The following MFN1 variants were observed in gnomAD, a reference collection of about 807,000 sequenced individuals.
MFN1 encodes the protein mitofusin-1.
A neutral mutation model predicts 92.4 loss-of-function variants in MFN1; 65 were observed. The ratio of observed to expected loss-of-function variants is 0.70; its 90% CI spans 0.58 to 0.86. The LOEUF is 0.86. Ranked by LOEUF, MFN1 falls within the 40% of genes least tolerant of loss-of-function variation. The pLI is 0.00. For synonymous variants in MFN1, 297 were observed against 300.9 expected, an observed-to-expected ratio of 0.99 and a Z score of 0.13; for missense variants, 781 against 868.0, an observed-to-expected ratio of 0.90 and a Z score of 1.26.
rs1713997738 is a variant in MFN1 at position 179,393,856 on chromosome 3, ATTAC to A, written c.*1800_*1803del. ...CAAAGTTTGGTCCTGGGTCATCGAC[ATTAC>A]TTCTTTTTCTTTCTGAGACAGGGTC... On this transcript the variant is annotated 3_prime_UTR_variant, in exon 18 of 18. Coordinates refer to ENST00000471841, the MANE Select transcript of MFN1 (RefSeq NM_033540.3). 1 of 152,288 alleles carries A rather than the reference ATTAC, an allele frequency of 6.6e-6. No homozygotes were observed. The highest frequency in any genetic ancestry group is 6.5e-5 in the Admixed American group (1 of 15,284). The allele number at this position is 152,288 out of a possible 1,614,324, so 9.4% of individuals were successfully genotyped here. A position where few individuals can be genotyped will look rare whatever the true frequency, so the allele number is the denominator to read the frequency against.
chr3:179,390,270 A>C, intron 17 of MFN1, 132 bp downstream of exon 17: 1 of 810,064 alleles, frequency 1.2e-6, no homozygotes, highest in Non-Finnish European at 1.7e-6. Context: ...TTCCATATTT[A>C]ATTCCATGTG....
At position 179,351,963 on chromosome 3, in the gene MFN1, G is replaced by T. The variant is rs1158187146; in HGVS notation, c.176G>T (p.Gly59Val). 1 of 1,610,948 alleles carries T rather than the reference G, an allele frequency of 6.2e-7. No individual in the cohort carries two copies. Among genetic ancestry groups the T allele is most frequent in the Admixed American group, 1.7e-5 (1 of 59,962 alleles). ...ATEDDLVEMQ[G>V]YKDKLSIIGE... The stretch of plus-strand genomic sequence containing the variant: ...GAAGATGATCTGGTAGAAATGCAAG[G>T]ATATAAAGACAAGCTTTCCATCATT... The change falls in exon 3 of 18, where the codon GGA becomes GTA. Residue 59 changes from glycine (G) to valine (V), a missense_variant. Physicochemically the swap from Gly to Val is moderately radical, Grantham distance 109. Coordinates refer to ENST00000471841, the MANE Select transcript of MFN1 (RefSeq NM_033540.3).
intron 14 of MFN1, among the ~76,000 whole-genome samples, chr3:179,382,243 C>T (rs1053534268): frequency 1.3e-5 from 2 of 152,060 alleles, no homozygotes; most frequent in African/African-American, 4.8e-5. Context: ...CACAACAGGC[C>T]CCGGGGTGTG....
chr3:179,367,890 T>G (rs1411767450), intron 8 of MFN1, 146 bp from the exon 9 acceptor site: 10 of 430,720 alleles, frequency 2.3e-5, no homozygotes, highest in Non-Finnish European at 3.5e-5. Flanking sequence ...GCCATTGCAC[T>G]CCAGCTCTGG....
chr3:179,392,592 A>G lies in MFN1; in HGVS notation c.*533A>G, dbSNP rs985524193. The G allele has an allele frequency of 2.0e-5, 3 of 152,226 alleles. No individual in the cohort carries two copies. The allele number at this position is 152,226 out of a possible 1,614,324, so 9.4% of individuals were successfully genotyped here. A position where few individuals can be genotyped will look rare whatever the true frequency, so the allele number is the denominator to read the frequency against. Reference sequence around the variant, plus strand: ...GTGAAACACTAATAAATGTGTTTTTACTTTTTATTCCCGTTAAAACTGATG... The same window carrying G: ...GTGAAACACTAATAAATGTGTTTTTGCTTTTTATTCCCGTTAAAACTGATG... On this transcript the variant is annotated 3_prime_UTR_variant, in exon 18 of 18. Transcript: ENST00000471841.
chr3:179,366,430 TAAA>T (rs1447468693), intron 7 of MFN1, among the ~76,000 whole-genome samples: 2 of 152,098 alleles, frequency 1.3e-5, no homozygotes, highest in Admixed American at 1.3e-4. Flanking sequence ...TGTAGAAACT[TAAA>T]AAGAAGTATC....
intron 14 of MFN1, among the ~76,000 whole-genome samples, chr3:179,383,888 A>G (rs1006754438): frequency 6.6e-6 from 1 of 152,144 alleles, no homozygotes; most frequent in African/African-American, 2.4e-5. Flanking sequence ...CAATTCAGTA[A>G]TTTTTTAGGA....
intron 9 of MFN1, among the ~76,000 whole-genome samples, chr3:179,369,149 A>G (rs114183507): frequency 0.014 from 2,207 of 152,258 alleles, 59 homozygotes; most frequent in South Asian, 0.11. Context: ...CCGTTACTCA[A>G]AGACTATTGT....
chr3:179,373,545 C>T (rs1263030527), intron 9 of MFN1, among the ~76,000 whole-genome samples: 4 of 152,018 alleles, frequency 2.6e-5, no homozygotes, highest in Non-Finnish European at 5.9e-5. Flanking sequence ...AAAAATTTAT[C>T]ATAGAAAATA....
intron 9 of MFN1, among the ~76,000 whole-genome samples, chr3:179,369,869 TTATG>T (rs2108540155): frequency 6.6e-6 from 1 of 152,340 alleles, no homozygotes; most frequent in African/African-American, 2.4e-5. Flanking sequence ...ATTCTAAAAT[TTATG>T]TATGGAAAAA....
At chr3:179,352,870 G>C (rs1305347459) in intron 3 of MFN1, among the ~76,000 whole-genome samples, 6 of 151,738 alleles carry the variant, frequency 4.0e-5, no homozygotes, top group Non-Finnish European at 8.8e-5. Flanking sequence ...TCCTGCCTCA[G>C]CCTCCCTAGT....
chr3:179,362,526 A>G (rs770770107), intron 5 of MFN1, 44 bp downstream of exon 5: 4 of 1,591,238 alleles, frequency 2.5e-6, no homozygotes, highest in South Asian at 1.1e-5. Flanking sequence ...AGTTTATTTA[A>G]TAGTATAATA....
chr3:179,380,798 AAGG>A (rs1397970615), intron 14 of MFN1, among the ~76,000 whole-genome samples: 1 of 152,192 alleles, frequency 6.6e-6, no homozygotes, highest in Admixed American at 6.5e-5. Context: ...TTGCCAGCAC[AAGG>A]AGTTTAGGAT....
chr3:179,377,233 A>T, intron 11 of MFN1, 65 bp downstream of exon 11: 1 of 1,555,088 alleles, frequency 6.4e-7, no homozygotes, highest in Non-Finnish European at 8.7e-7. Flanking sequence ...AATGCTAAAA[A>T]TGTTATTCCT....
chr3:179,375,725 T>C (rs1713213172), intron 10 of MFN1, among the ~76,000 whole-genome samples: 1 of 152,230 alleles, frequency 6.6e-6, no homozygotes, highest in South Asian at 2.1e-4. Context: ...TGGTCATACA[T>C]TGGTATTTTG....
At chr3:179,378,104 G>C in intron 12 of MFN1, 1 of 479,814 alleles carries the variant, frequency 2.1e-6, no homozygotes, top group Non-Finnish European at 3.7e-6. Flanking sequence ...CGCTTCTATA[G>C]TCCCAGTTAC....
At chr3:179,359,609 T>TC (rs1240006371) in intron 4 of MFN1, 2 of 145,792 alleles carry the variant, frequency 1.4e-5, no homozygotes, top group East Asian at 4.0e-4. Context: ...TTTTTTTTTT[T>TC]TTTTTTTTTT....
intron 9 of MFN1, among the ~76,000 whole-genome samples, chr3:179,374,780 T>C (rs536604436): frequency 2.0e-5 from 3 of 152,208 alleles, no homozygotes; most frequent in Non-Finnish European, 2.9e-5. Flanking sequence ...CATTCAGCTA[T>C]TAAATAAGGA....
chr3:179,387,909 T>G (rs1377406388), intron 16 of MFN1, among the ~76,000 whole-genome samples: 1 of 151,960 alleles, frequency 6.6e-6, no homozygotes, highest in Admixed American at 6.6e-5. Context: ...TGTTTTGTAT[T>G]TTTAGTAGAG....
Sources: gnomAD v4.1 joint callset for allele counts (sites outside exome capture counted in the v4.1 genomes callset) on GRCh38, gnomAD v4.1.1 for gene constraint, MANE v1.5 for transcripts, NCBI Gene and HGNC (gene_info 2026-07-23, HGNC 2026-07-21) for gene names.